Variants in ZNF469 observed in about 807,000 individuals in gnomAD.
ZNF469 encodes the protein zinc finger protein 469.
A neutral mutation model predicts 1.0 loss-of-function variants in ZNF469; 1 was observed. The observed-to-expected ratio is 1.00, with a 90% CI of 0.35 to 4.73. The LOEUF is 4.73. ZNF469 is among the 30% of genes most tolerant of loss of function. The pLI is 0.16. For synonymous variants in ZNF469, 2,703 were observed against 2,363.4 expected (o/e 1.14, Z -4.17); for missense variants, 6,100 against 5,356.3 (o/e 1.14, Z -4.33).
chr16:88,181,886 G>A, the ZNF469 span, among the ~76,000 whole-genome samples: 1 of 152,198 alleles, frequency 6.6e-6, no homozygotes, highest in Admixed American at 6.5e-5. Context: ...TCTGGCCACT[G>A]AAATAAAGCC....
chr16:88,360,454 G>A, the ZNF469 span, among the ~76,000 whole-genome samples: 12,624 of 145,196 alleles, frequency 0.087, 673 homozygotes, highest in Middle Eastern at 0.11. Context: ...GCGCCCGCAT[G>A]CTCCCCCAAA....
At chr16:88,152,325 C>T in the ZNF469 span, among the ~76,000 whole-genome samples, 1 of 152,242 alleles carries the variant, frequency 6.6e-6, no homozygotes, top group Non-Finnish European at 1.5e-5. This position sits in a 1 kb window ranked among gnomAD's most constrained non-coding sequence, Gnocchi z 4.2. Flanking sequence ...GAGCAGCCTA[C>T]AGACACGCTC....
At chr16:88,278,587 G>A in the ZNF469 span, among the ~76,000 whole-genome samples, 1 of 128,188 alleles carries the variant, frequency 7.8e-6, no homozygotes, top group East Asian at 2.9e-4. Context: ...GATATCATTA[G>A]TGCTGTGCCA....
the ZNF469 span, among the ~76,000 whole-genome samples, chr16:88,377,350 G>C: frequency 6.6e-6 from 1 of 152,196 alleles, no homozygotes; most frequent in Admixed American, 6.5e-5. Context: ...GGTGGCTTCC[G>C]GCTACTCTCC....
At chr16:88,297,624 A>G in the ZNF469 span, among the ~76,000 whole-genome samples, 4 of 151,946 alleles carry the variant, frequency 2.6e-5, no homozygotes, top group Non-Finnish European at 5.9e-5. Context: ...AGCTCACTCC[A>G]GTCTCCAGGG....
the ZNF469 span, among the ~76,000 whole-genome samples, chr16:88,143,860 G>GGCGGCCA: frequency 6.6e-6 from 1 of 152,146 alleles, no homozygotes; most frequent in African/African-American, 2.4e-5. Context: ...CTGCCTGGCT[G>GGCGGCCA]GCGGCCAGCG....
the ZNF469 span, among the ~76,000 whole-genome samples, chr16:88,290,639 C>T: frequency 0.43 from 64,665 of 152,052 alleles, 14,774 homozygotes; most frequent in African/African-American, 0.61. Context: ...GTAGAATTAC[C>T]GATATTGGGT....
chr16:88,236,017 C>G, the ZNF469 span, among the ~76,000 whole-genome samples: 1 of 152,230 alleles, frequency 6.6e-6, no homozygotes, highest in Non-Finnish European at 1.5e-5. Flanking sequence ...AAGTTATTAT[C>G]TGATCACCTG....
the ZNF469 span, among the ~76,000 whole-genome samples, chr16:88,367,207 C>G: frequency 6.6e-6 from 1 of 152,196 alleles, no homozygotes; most frequent in African/African-American, 2.4e-5. Flanking sequence ...ATACCAAGTT[C>G]TTAGTTTTAA....
the ZNF469 span, among the ~76,000 whole-genome samples, chr16:88,375,152 C>T: frequency 5.3e-5 from 8 of 152,318 alleles, no homozygotes; most frequent in African/African-American, 1.7e-4. Flanking sequence ...TCATGACCAG[C>T]GTGGAAATTT....
intron 1 of ZNF469, among the ~76,000 whole-genome samples, chr16:88,420,650 G>C (rs1387875075): frequency 6.6e-6 from 1 of 152,220 alleles, no homozygotes. Flanking sequence ...CAATCCAGGA[G>C]GGCTTCCTGG....
At chr16:88,126,136 C>T in the ZNF469 span, among the ~76,000 whole-genome samples, 1 of 146,308 alleles carries the variant, frequency 6.8e-6, no homozygotes, top group Non-Finnish European at 1.5e-5. Context: ...TTGCAGTGAG[C>T]CGAGATTGCA....
chr16:88,336,803 T>A, the ZNF469 span, among the ~76,000 whole-genome samples: 54 of 152,200 alleles, frequency 3.5e-4, no homozygotes, highest in African/African-American at 1.2e-3. Context: ...ATCACCACTA[T>A]CTCATTCCAG....
At chr16:88,184,719 C>G in the ZNF469 span, among the ~76,000 whole-genome samples, 1 of 152,038 alleles carries the variant, frequency 6.6e-6, no homozygotes, top group Non-Finnish European at 1.5e-5. Flanking sequence ...GCGTCACGGG[C>G]TGCTGTTGCT....
At chr16:88,111,261 T>A in the ZNF469 span, among the ~76,000 whole-genome samples, 9 of 152,338 alleles carry the variant, frequency 5.9e-5, no homozygotes, top group East Asian at 1.7e-3. Context: ...AAAGACTTTT[T>A]TTTGTGGGTA....
chr16:88,165,095 T>C, the ZNF469 span, among the ~76,000 whole-genome samples: 5 of 152,238 alleles, frequency 3.3e-5, no homozygotes, highest in African/African-American at 7.2e-5. Context: ...ATCCCCTTCA[T>C]GGCTTTCAGT....
the ZNF469 span, among the ~76,000 whole-genome samples, chr16:88,214,668 G>A: frequency 2.0e-5 from 3 of 151,942 alleles, no homozygotes; most frequent in African/African-American, 7.3e-5. Context: ...CTCACCCCCC[G>A]ACAGGCCCCG....
At chr16:88,104,503 G>A in the ZNF469 span, among the ~76,000 whole-genome samples, 1 of 152,160 alleles carries the variant, frequency 6.6e-6, no homozygotes, top group African/African-American at 2.4e-5. Flanking sequence ...CCAGCCTCTC[G>A]CTGACCCCGC....
At chr16:88,112,501 T>G in the ZNF469 span, among the ~76,000 whole-genome samples, 5 of 152,234 alleles carry the variant, frequency 3.3e-5, no homozygotes, top group African/African-American at 1.2e-4. Context: ...TGATGTCTCA[T>G]GGTAGCTTTG....
Sources: gnomAD v4.1 joint callset for allele counts (sites outside exome capture counted in the v4.1 genomes callset) on GRCh38, gnomAD v4.1.1 for gene constraint, Gnocchi (gnomAD v3.1) non-coding constraint, MANE v1.5 for transcripts, NCBI Gene and HGNC (gene_info 2026-07-23, HGNC 2026-07-21) for gene names.